Variants in OCIAD2 observed in about 807,000 individuals in gnomAD.
The protein encoded by OCIAD2 is OCIA domain-containing protein 2.
A neutral mutation model predicts 22.9 loss-of-function variants in OCIAD2; 29 were observed. The observed-to-expected ratio is 1.27, with a 90% CI of 0.94 to 1.73. OCIAD2 has a LOEUF of 1.73. Ranked by LOEUF, OCIAD2 falls within the 40% of genes most tolerant of loss-of-function variation. OCIAD2 has a pLI of 0.00. For synonymous variants in OCIAD2, 67 were observed against 60.2 expected (o/e 1.11, Z -0.52); for missense variants, 189 against 180.3 (o/e 1.05, Z -0.28).
At chr4:48,888,718 C>T (rs377138653) in intron 6 of OCIAD2, among the ~76,000 whole-genome samples, 12 of 152,138 alleles carry the variant, frequency 7.9e-5, no homozygotes, top group South Asian at 2.1e-4. Context: ...CTTTTTGATG[C>T]GCTGCTGTAT....
chr4:48,900,368 G>A (rs1485788589), intron 2 of OCIAD2, among the ~76,000 whole-genome samples: 2 of 152,140 alleles, frequency 1.3e-5, no homozygotes, highest in Admixed American at 6.5e-5. Flanking sequence ...TAGACATTGA[G>A]CATCACACTC....
chr4:48,893,449 T>C (rs534795280), intron 5 of OCIAD2: 1 of 152,424 alleles, frequency 6.6e-6, no homozygotes, highest in African/African-American at 2.4e-5. Context: ...TGAAGGAAGA[T>C]GAAACCCCAA....
chr4:48,896,266 A>G (rs1781299056), intron 4 of OCIAD2, among the ~76,000 whole-genome samples: 1 of 151,908 alleles, frequency 6.6e-6, no homozygotes, highest in Non-Finnish European at 1.5e-5. Flanking sequence ...CTTCCCTCAT[A>G]TTTACTGGTA....
At chr4:48,893,105 C>G in intron 5 of OCIAD2, 1 of 350,568 alleles carries the variant, frequency 2.9e-6, no homozygotes, top group Non-Finnish European at 5.1e-6. Flanking sequence ...AGGGCCAGGA[C>G]AGAGCAAGCC....
intron 6 of OCIAD2, among the ~76,000 whole-genome samples, chr4:48,887,152 T>C (rs1264686689): frequency 6.6e-6 from 1 of 152,224 alleles, no homozygotes; most frequent in Non-Finnish European, 1.5e-5. Flanking sequence ...TTGAGAAGTG[T>C]CTGTTCATAT....
intron 2 of OCIAD2, among the ~76,000 whole-genome samples, chr4:48,901,582 A>C (rs1271512085): frequency 6.6e-6 from 1 of 152,188 alleles, no homozygotes; most frequent in Non-Finnish European, 1.5e-5. Flanking sequence ...TTGATAACGA[A>C]TGTGTTTGAC....
chr4:48,897,964 G>T (rs1781336686), intron 3 of OCIAD2, 107 bp from the exon 4 acceptor site: 5 of 746,344 alleles, frequency 6.7e-6, no homozygotes, highest in Middle Eastern at 2.4e-4. Flanking sequence ...CCTTGGCAGT[G>T]AATTTTTATT....
At chr4:48,896,033 A>C (rs1337397367) in intron 4 of OCIAD2, among the ~76,000 whole-genome samples, 1 of 152,194 alleles carries the variant, frequency 6.6e-6, no homozygotes, top group African/African-American at 2.4e-5. Flanking sequence ...CTCCATCTAA[A>C]AAACAAACAA....
At chr4:48,904,333 C>T (rs1019832566) in intron 2 of OCIAD2, 151 bp downstream of exon 2, 6 of 728,192 alleles carry the variant, frequency 8.2e-6, no homozygotes, top group African/African-American at 3.5e-5. Flanking sequence ...ACCTGTCATC[C>T]CAGTTAAGTG....
At chr4:48,886,973 C>T (rs1781005820) in intron 6 of OCIAD2, among the ~76,000 whole-genome samples, 1 of 152,268 alleles carries the variant, frequency 6.6e-6, no homozygotes, top group African/African-American at 2.4e-5. Flanking sequence ...TAAAAGTGTT[C>T]CTATTTCTCC....
intron 3 of OCIAD2, among the ~76,000 whole-genome samples, chr4:48,898,281 C>A (rs1486985136): frequency 1.3e-5 from 2 of 152,192 alleles, no homozygotes; most frequent in Non-Finnish European, 2.9e-5. Context: ...CTCCTACATA[C>A]CCTTCATCTA....
At chr4:48,900,898 G>A (rs964407870) in intron 2 of OCIAD2, among the ~76,000 whole-genome samples, 6 of 151,938 alleles carry the variant, frequency 3.9e-5, no homozygotes, top group Non-Finnish European at 7.4e-5. Context: ...CCAGCCTTGC[G>A]GTGTTTTTTT....
At chr4:48,892,676 T>C (rs1781202018) in intron 6 of OCIAD2, 96 bp downstream of exon 6, 2 of 615,958 alleles carry the variant, frequency 3.2e-6, no homozygotes, top group Non-Finnish European at 2.7e-6. Flanking sequence ...TACATGTGAA[T>C]TTAAAAAATT....
intron 6 of OCIAD2, among the ~76,000 whole-genome samples, chr4:48,890,516 T>G (rs1405730035): frequency 6.6e-6 from 1 of 152,184 alleles, no homozygotes; most frequent in Admixed American, 6.5e-5. Flanking sequence ...CACATATATA[T>G]ACACATAATT....
At chr4:48,888,874 C>T (rs532259144) in intron 6 of OCIAD2, among the ~76,000 whole-genome samples, 17 of 152,278 alleles carry the variant, frequency 1.1e-4, no homozygotes, top group African/African-American at 4.1e-4. Context: ...GGAGGATTCC[C>T]TCTTTTTCTA....
Position 48,894,019 on chromosome 4 carries a change from C to G in OCIAD2, c.252G>C (p.Leu84Phe). 6.6e-7 allele frequency: 1 copy of G among 1,516,580 alleles called. No homozygotes were observed. Among genetic ancestry groups the G allele is most frequent in the South Asian group, 1.4e-5 (1 of 71,982 alleles). The allele number at this position is 1,516,580 out of a possible 1,614,324, so 93.9% of individuals were successfully genotyped here. The change falls in exon 5 of 7, where the codon TTG becomes TTC. Residue 84 changes from leucine to phenylalanine, a missense_variant. Physicochemically the swap from Leu to Phe is conservative, Grantham distance 22 (BLOSUM62 0). Transcript: ENST00000508632. ...TCTATGACTTACGTGCAACTTTGGG[C>G]AATGATCCAAATCTAGAATTAGCTG... ...YLAANSRFGS[L>F]PKVALAGLLG...
chr4:48,901,436 G>C (rs1560461319), intron 2 of OCIAD2, among the ~76,000 whole-genome samples: 2 of 152,038 alleles, frequency 1.3e-5, no homozygotes, highest in African/African-American at 4.8e-5. Flanking sequence ...TTATGGCTCC[G>C]CAGCCTGTGT....
intron 4 of OCIAD2, 77 bp from the exon 5 acceptor site, chr4:48,894,130 TAAAG>T (rs1057426983): frequency 1.8e-5 from 13 of 740,014 alleles, no homozygotes; most frequent in Non-Finnish European, 2.1e-5. Context: ...AAGTTATTCT[TAAAG>T]TATAAAGAAA....
intron 2 of OCIAD2, among the ~76,000 whole-genome samples, chr4:48,901,371 G>A (rs763213931): frequency 1.1e-4 from 16 of 152,074 alleles, no homozygotes; most frequent in Non-Finnish European, 7.4e-5. Flanking sequence ...AGTCTTGCTA[G>A]ACCGCTCTCA....
Sources: gnomAD v4.1 joint callset for allele counts (sites outside exome capture counted in the v4.1 genomes callset) on GRCh38, gnomAD v4.1.1 for gene constraint, MANE v1.5 for transcripts, NCBI Gene and HGNC (gene_info 2026-07-23, HGNC 2026-07-21) for gene names.